Variants in DAGLB observed in about 807,000 individuals in gnomAD.
DAGLB encodes diacylglycerol lipase-beta.
DAGLB carries 66 observed loss-of-function variants against 72.1 expected under a neutral mutation model. That is an observed-to-expected ratio of 0.92 (90% CI 0.75 to 1.12). The LOEUF (loss-of-function observed/expected upper bound fraction) is 1.12, where lower values mean the gene tolerates loss of function less well. DAGLB is among the 50% of genes most tolerant of loss of function. The pLI is 0.00. For missense variants in DAGLB, 1,065 were observed against 884.9 expected (o/e 1.20, Z -2.58); for synonymous variants, 414 against 359.5 (o/e 1.15, Z -1.71).
In DAGLB at chr7:6,424,800, G is replaced by A. The variant is rs564921259; in HGVS notation, c.1092C>T (p.His364=). Residue 364 remains histidine (H), a synonymous_variant, in exon 8 of 15, where the codon CAC becomes CAT. Coordinates refer to ENST00000297056, the MANE Select transcript of DAGLB (RefSeq NM_139179.4). The stretch of plus-strand genomic sequence containing the variant: ...CAGCGACCACAACAGACTCTTTCCT[G>A]TGATCCAGAGCCACTAAAAACGGCA... ...YELPFLVALD[H]RKESVVVAVR... is the part of the protein sequence containing the mutation. 2.2e-5 allele frequency: 36 copies of A among 1,613,934 alleles called. No homozygotes were observed. Among genetic ancestry groups the A allele is most frequent in the Admixed American group, 1.2e-4 (7 of 59,996 alleles).
intron 9 of DAGLB, 49 bp from the exon 10 acceptor site, chr7:6,416,970 G>A (rs749617302): frequency 6.3e-7 from 1 of 1,597,864 alleles, no homozygotes; most frequent in African/African-American, 1.3e-5. Context: ...GACAAGGCAG[G>A]CCCAGCAGAG....
intron 8 of DAGLB, 129 bp from the exon 9 acceptor site, chr7:6,421,933 T>C: frequency 3.9e-6 from 4 of 1,031,552 alleles, no homozygotes; most frequent in African/African-American, 1.6e-5. Flanking sequence ...AGTTCGGTCC[T>C]GGGACTGAAC....
In DAGLB at chr7:6,409,966, G is replaced by A; in HGVS notation, c.1890C>T (p.Leu630=). The A allele has an allele frequency of 6.2e-7, 1 of 1,614,150 alleles. No individual in the cohort carries two copies. Residue 630 remains leucine, a synonymous_variant, in exon 15 of 15, where the codon CTC becomes CTT. Transcript: ENST00000297056. ...WSHEAEFSKI[L]IGPKMLTDHM... The stretch of plus-strand genomic sequence containing the variant: ...GGTCGGTGAGCATCTTCGGACCTAT[G>A]AGTATTTTGCTGAATTCCGCTTCGT...
At chr7:6,423,853 C>A (rs987054951) in intron 8 of DAGLB, among the ~76,000 whole-genome samples, 3 of 152,124 alleles carry the variant, frequency 2.0e-5, no homozygotes, top group Non-Finnish European at 4.4e-5. Flanking sequence ...TCCCAAAGTG[C>A]TGGGATTACA....
In DAGLB at chr7:6,424,845, C is replaced by T. The variant is rs1197096604; in HGVS notation, c.1057-10G>A. On this transcript the variant is annotated splice_polypyrimidine_tract_variant and intron_variant, in intron 7 of 14. Transcript: ENST00000297056. Reference sequence around the variant, plus strand: ...ACGGCAGCTCGTAAACCTGCAGGAGCAAGAAACAAGCATGGGGCCTAAACA... The same window carrying T: ...ACGGCAGCTCGTAAACCTGCAGGAGTAAGAAACAAGCATGGGGCCTAAACA... 6.2e-7 allele frequency: 1 copy of T among 1,613,284 alleles called. No individual in the cohort carries two copies. The highest frequency in any genetic ancestry group is 1.7e-5 in the Admixed American group (1 of 59,984).
intron 2 of DAGLB, among the ~76,000 whole-genome samples, chr7:6,441,280 A>C (rs1232781226): frequency 6.7e-6 from 1 of 150,060 alleles, no homozygotes; most frequent in Admixed American, 6.7e-5. Context: ...TTTAGTAGAG[A>C]CGGGGTTTCA....
Position 6,410,135 on chromosome 7 carries a change from C to T in DAGLB, c.1815G>A (p.Ser605=), listed in dbSNP as rs148484155. ...ACCCACCACGCCGCACTCACCGCCC[C>T]GAGGCGCCCTCCTCCTGCAGGTGGA... The part of the protein sequence containing the change: ...RIIHLQEEGA[S]GRFGCCSAAH... The change falls in exon 14 of 15, where the codon TCG becomes TCA. Residue 605 remains serine, a synonymous_variant. Transcript: ENST00000297056. The T allele has an allele frequency of 2.1e-4, 326 of 1,572,224 alleles. 1 individual carries two copies. Among genetic ancestry groups the T allele is most frequent in the African/African-American group, 1.3e-3 (93 of 74,370 alleles).
chr7:6,410,965 A>C (rs1440890406), intron 13 of DAGLB, among the ~76,000 whole-genome samples: 1 of 147,880 alleles, frequency 6.8e-6, no homozygotes, highest in Non-Finnish European at 1.5e-5. Context: ...GCTCTCTGCA[A>C]GCTCCGCCTC....
chr7:6,428,142 T>C (rs888422868), intron 6 of DAGLB, among the ~76,000 whole-genome samples: 4 of 150,788 alleles, frequency 2.7e-5, no homozygotes, highest in African/African-American at 9.8e-5. Flanking sequence ...AGGTCAGGAG[T>C]TCGACCAGCC....
At chr7:6,422,712 A>G (rs1784172051) in intron 8 of DAGLB, 1 of 152,676 alleles carries the variant, frequency 6.5e-6, no homozygotes, top group African/African-American at 2.4e-5. Context: ...AAGAGGGGAC[A>G]ATAGACACTG....
intron 9 of DAGLB, among the ~76,000 whole-genome samples, chr7:6,419,210 T>C (rs1162506935): frequency 6.6e-6 from 1 of 151,234 alleles, no homozygotes; most frequent in Admixed American, 6.6e-5. Context: ...TCAGTAGAGA[T>C]GGGGTTTTAC....
chr7:6,430,652 GACACAGAGGATCA>G (rs751126484), intron 5 of DAGLB, 45 bp from the exon 6 acceptor site: 1 of 1,487,030 alleles, frequency 6.7e-7, no homozygotes, highest in Admixed American at 2.1e-5. Flanking sequence ...GGGAACTCCT[GACACAGAGGATCA>G]ACACACTGAG....
intron 9 of DAGLB, among the ~76,000 whole-genome samples, chr7:6,419,580 A>G (rs1457245858): frequency 2.0e-5 from 3 of 152,242 alleles, no homozygotes; most frequent in Admixed American, 6.5e-5. Context: ...CCAAGAGGAC[A>G]GGACAGGCCC....
At chr7:6,438,228 G>C (rs1262759924) in intron 2 of DAGLB, among the ~76,000 whole-genome samples, 1 of 152,104 alleles carries the variant, frequency 6.6e-6, no homozygotes, top group Non-Finnish European at 1.5e-5. Flanking sequence ...GGGAGGGATA[G>C]CATTAGGAGA....
intron 5 of DAGLB, among the ~76,000 whole-genome samples, chr7:6,431,147 T>C (rs1328356305): frequency 6.6e-6 from 1 of 151,430 alleles, no homozygotes; most frequent in Admixed American, 6.6e-5. Flanking sequence ...ATGACTTCTC[T>C]GCTGTTTTTG....
In DAGLB at chr7:6,430,550, C is replaced by T; in HGVS notation, c.859G>A (p.Ala287Thr). 6.2e-7 allele frequency: 1 copy of T among 1,603,498 alleles called. No homozygotes were observed. Among genetic ancestry groups the T allele is most frequent in the Non-Finnish European group, 8.5e-7 (1 of 1,172,974 alleles). Residue 287 changes from alanine (A) to threonine (T), a missense_variant, in exon 6 of 15, where the codon GCG becomes ACG. Coordinates refer to ENST00000297056, the MANE Select transcript of DAGLB (RefSeq NM_139179.4). ...ATGTAGAGGGGCCACCCATAGGCCG[C>T]TGCTGCAAACTGCATGTAATGATGG... ...NCHHYMQFAA[A>T]AYGWPLYIYR...
intron 1 of DAGLB, among the ~76,000 whole-genome samples, chr7:6,447,086 G>C (rs1785031514): frequency 6.6e-6 from 1 of 152,166 alleles, no homozygotes; most frequent in African/African-American, 2.4e-5. Flanking sequence ...CAATCCTCCC[G>C]TCTCAGCCTC....
chr7:6,410,757 G>A (rs931173486), intron 13 of DAGLB, among the ~76,000 whole-genome samples: 17 of 152,156 alleles, frequency 1.1e-4, no homozygotes, highest in Non-Finnish European at 1.8e-4. Flanking sequence ...TCTATGGGCT[G>A]GAGCGCAATG....
At chr7:6,423,418 C>A (rs952692458) in intron 8 of DAGLB, among the ~76,000 whole-genome samples, 1 of 149,826 alleles carries the variant, frequency 6.7e-6, no homozygotes, top group Non-Finnish European at 1.5e-5. Context: ...GCACAGAAAC[C>A]ACAGACGACG....
Sources: gnomAD v4.1 joint callset for allele counts (sites outside exome capture counted in the v4.1 genomes callset) on GRCh38, gnomAD v4.1.1 for gene constraint, MANE v1.5 for transcripts, NCBI Gene and HGNC (gene_info 2026-07-23, HGNC 2026-07-21) for gene names.